UGT2B10: variants seen among roughly 807,000 people sequenced by gnomAD.
UGT2B10 encodes the protein UDP-glucuronosyltransferase 2B10.
In UGT2B10, 51 loss-of-function variants were observed where a neutral mutation model predicts 43.7. That is an observed-to-expected ratio of 1.17 (90% CI 0.93 to 1.47). The LOEUF is 1.47. Among genes scored for constraint, UGT2B10 ranks in the 40% most tolerant of loss-of-function variants. The pLI is 0.00. For synonymous variants in UGT2B10, 225 were observed against 209.0 expected (o/e 1.08, Z -0.66); for missense variants, 696 against 617.7 (o/e 1.13, Z -1.34).
Position 68,822,347 on chromosome 4 carries a change from T to C in UGT2B10, c.944T>C (p.Met315Thr), listed in dbSNP as rs1357798442. Residue 315 changes from methionine (M) to threonine (T), a missense_variant, in exon 3 of 6, where the codon ATG becomes ACG. By Grantham distance (81) the Met-to-Thr change is moderately conservative. Transcript: ENST00000265403. The stretch of plus-strand genomic sequence containing the variant: ...TCTCTGGGGTCAATGGTCAGTAACA[T>C]GACAGAAGAAAGGGCCAACGTAATT... ...VFSLGSMVSN[M>T]TEERANVIAT... 2 of 1,613,606 alleles carry C rather than the reference T, an allele frequency of 1.2e-6. No homozygotes were observed. The highest frequency in any genetic ancestry group is 1.7e-6 in the Non-Finnish European group (2 of 1,179,836).
At chr4:68,819,014 A>C (rs765839835) in intron 2 of UGT2B10, among the ~76,000 whole-genome samples, 1 of 151,894 alleles carries the variant, frequency 6.6e-6, no homozygotes, top group Non-Finnish European at 1.5e-5. Context: ...CGAAACATTC[A>C]GGAAATTTTC....
rs1738100330 is a variant in UGT2B10, at chr4:68,831,514, C to T, written c.*635C>T. ...AAAAATAATTAGATATTCTTGAAATCAGAAATGTGCTCCCTAATTATATGA... is the reference window on the plus strand; with the variant it reads ...AAAAATAATTAGATATTCTTGAAATTAGAAATGTGCTCCCTAATTATATGA... On this transcript the variant is annotated 3_prime_UTR_variant, in exon 6 of 6. Transcript: ENST00000265403. Among the ~76,000 whole-genome samples the T allele has an allele frequency of 6.6e-6, 1 of 152,000 alleles. No homozygotes were observed. The highest frequency in any genetic ancestry group is 1.5e-5 in the Non-Finnish European group (1 of 67,974).
intron 1 of UGT2B10, among the ~76,000 whole-genome samples, 162 bp from the exon 2 acceptor site, chr4:68,817,867 C>T (rs551583137): frequency 1.3e-5 from 2 of 151,832 alleles, no homozygotes; most frequent in African/African-American, 4.8e-5. Flanking sequence ...ATATAGAATA[C>T]ATAAAAAATA....
intron 2 of UGT2B10, among the ~76,000 whole-genome samples, chr4:68,819,373 A>G (rs577984041): frequency 1.8e-4 from 28 of 152,118 alleles, no homozygotes; most frequent in Non-Finnish European, 3.7e-4. Flanking sequence ...AAAAGTAGAC[A>G]TATCAGTTGT....
intron 1 of UGT2B10, 85 bp from the exon 2 acceptor site, chr4:68,817,944 C>T (rs1737295464): frequency 2.7e-6 from 4 of 1,479,992 alleles, no homozygotes; most frequent in South Asian, 1.4e-5. Context: ...AACATTTTTG[C>T]CTGCATTATT....
At chr4:68,829,935 T>C (rs994863020) in intron 5 of UGT2B10, among the ~76,000 whole-genome samples, 2 of 152,076 alleles carry the variant, frequency 1.3e-5, no homozygotes, top group African/African-American at 2.4e-5. Flanking sequence ...AATCTCACTT[T>C]AGTTGCAAAA....
At position 68,816,540 on chromosome 4, in the gene UGT2B10, G is replaced by C. The variant is rs61733532; in HGVS notation, c.521G>C (p.Ser174Thr). The C allele has an allele frequency of 3.5e-5, 57 of 1,613,128 alleles. No individual in the cohort carries two copies. Among genetic ancestry groups the C allele is most frequent in the African/African-American group, 3.5e-4 (26 of 74,994 alleles). Reference sequence around the variant, plus strand: ...CCCTTTGTGTACAGTCACAGCTTCAGTCCTGGCTACTCATTTGAAAGGCAC... The same window carrying C: ...CCCTTTGTGTACAGTCACAGCTTCACTCCTGGCTACTCATTTGAAAGGCAC... ...NIPFVYSHSF[S>T]PGYSFERHSG... The change falls in exon 1 of 6, where the codon AGT becomes ACT. Residue 174 changes from serine to threonine, a missense_variant. By Grantham distance (58) the Ser-to-Thr change is moderately conservative. Coordinates refer to ENST00000265403, the MANE Select transcript of UGT2B10 (RefSeq NM_001075.6).
At chr4:68,818,524 AAT>A (rs1186578852) in intron 2 of UGT2B10, among the ~76,000 whole-genome samples, 2 of 151,904 alleles carry the variant, frequency 1.3e-5, no homozygotes, top group Non-Finnish European at 2.9e-5. Flanking sequence ...AGAGAAAAAA[AAT>A]AGACACAGTT....
chr4:68,825,513 T>C (rs1737729639), intron 3 of UGT2B10, among the ~76,000 whole-genome samples: 1 of 151,948 alleles, frequency 6.6e-6, no homozygotes, highest in Non-Finnish European at 1.5e-5. Flanking sequence ...CCAATACATC[T>C]CAGTGTATGT....
intron 3 of UGT2B10, among the ~76,000 whole-genome samples, chr4:68,823,335 G>A (rs12506094): frequency 0.45 from 68,467 of 151,200 alleles, 17,723 homozygotes; most frequent in South Asian, 0.66. Flanking sequence ...GTGAAACCCT[G>A]TCTCTACTAA....
chr4:68,816,911 A>G (rs2926036), intron 1 of UGT2B10, among the ~76,000 whole-genome samples, 174 bp downstream of exon 1: 112,332 of 151,656 alleles, frequency 0.74, 45,779 homozygotes, highest in Non-Finnish European at 0.9. Context: ...CTTAAATTAT[A>G]GGGTCAGTGA....
At position 68,816,319 on chromosome 4, in the gene UGT2B10, A is replaced by G. The variant is rs1215716820; in HGVS notation, c.300A>G (p.Gln100=). 7.4e-6 allele frequency: 12 copies of G among 1,613,190 alleles called. No homozygotes were observed. The highest frequency in any genetic ancestry group is 1.0e-5 in the Non-Finnish European group (12 of 1,179,434). Residue 100 remains glutamine, a synonymous_variant, in exon 1 of 6, where the codon CAA becomes CAG. Coordinates refer to ENST00000265403, the MANE Select transcript of UGT2B10 (RefSeq NM_001075.6). ...MQLVKRLSEI[Q]KDTFWLPFSQ... ...TGGTTAAGAGATTGTCAGAAATTCA[A>G]AAAGATACATTTTGGTTACCTTTTT...
intron 2 of UGT2B10, 25 bp from the exon 3 acceptor site, chr4:68,822,246 G>A (rs861340): frequency 0.86 from 1,388,385 of 1,607,622 alleles, 611,049 homozygotes; most frequent in Middle Eastern, 0.9. Context: ...CTTTTATGAT[G>A]AAACATTTTT....
chr4:68,826,427 T>C lies in UGT2B10; in HGVS notation c.1017T>C (p.Asp339=), dbSNP rs376222938. The C allele has an allele frequency of 2.5e-5, 41 of 1,611,024 alleles. No homozygotes were observed. In the African/African-American group the frequency reaches 4.9e-4, roughly 19 times the overall value. ...KIPQKVLWRF[D]GNKPDALGLN... ...TGTAACAGGTTCTTTGGAGATTTGA[T>C]GGGAATAAACCAGATGCCTTAGGTC... Residue 339 remains aspartate, a synonymous_variant, in exon 4 of 6, where the codon GAT becomes GAC. Transcript: ENST00000265403.
intron 4 of UGT2B10, among the ~76,000 whole-genome samples, chr4:68,826,871 G>C (rs1365776633): frequency 6.6e-6 from 1 of 152,060 alleles, no homozygotes; most frequent in Non-Finnish European, 1.5e-5. Context: ...ACCAGTGACT[G>C]TATTTTCTGG....
intron 5 of UGT2B10, among the ~76,000 whole-genome samples, chr4:68,827,878 A>G (rs1737880657): frequency 6.6e-6 from 1 of 151,878 alleles, no homozygotes; most frequent in Non-Finnish European, 1.5e-5. Flanking sequence ...AATATAATAA[A>G]ATGTTTTAAT....
chr4:68,825,210 TAAAAC>T (rs1287708844), intron 3 of UGT2B10, among the ~76,000 whole-genome samples: 6 of 148,652 alleles, frequency 4.0e-5, no homozygotes, highest in Non-Finnish European at 8.9e-5. Flanking sequence ...ATAAAATACA[TAAAAC>T]AAAATAAACA....
chr4:68,828,098 G>A (rs973114917), intron 5 of UGT2B10, among the ~76,000 whole-genome samples: 15 of 151,944 alleles, frequency 9.9e-5, no homozygotes, highest in Admixed American at 2.0e-4. Flanking sequence ...TTTTATCAAC[G>A]CAAAAGAAAC....
At chr4:68,828,840 G>T (rs962368804) in intron 5 of UGT2B10, among the ~76,000 whole-genome samples, 1 of 151,928 alleles carries the variant, frequency 6.6e-6, no homozygotes, top group African/African-American at 2.4e-5. Flanking sequence ...AATATAAAAA[G>T]ATTCAATATC....
Sources: gnomAD v4.1 joint callset for allele counts (sites outside exome capture counted in the v4.1 genomes callset) on GRCh38, gnomAD v4.1.1 for gene constraint, MANE v1.5 for transcripts, NCBI Gene and HGNC (gene_info 2026-07-23, HGNC 2026-07-21) for gene names.